The following DOCK1 variants were observed in gnomAD, a reference collection of about 807,000 sequenced individuals.
DOCK1 encodes the protein dedicator of cytokinesis 1, also known as dedicator of cytokinesis protein 1.
DOCK1 carries 138 observed loss-of-function variants against 262.7 expected under a neutral mutation model. That is an observed-to-expected ratio of 0.53 (90% CI 0.46 to 0.61). The LOEUF is 0.61. DOCK1 is among the 20% of genes least tolerant of loss of function. DOCK1 has a pLI of 0.00. For synonymous variants in DOCK1, 866 were observed against 867.4 expected (o/e 1.00, Z 0.03); for missense variants, 1,908 against 2,370.7 (o/e 0.80, Z 4.05).
intron 1 of DOCK1, among the ~76,000 whole-genome samples, chr10:126,930,953 C>T (rs899568879): frequency 1.4e-4 from 21 of 152,168 alleles, no homozygotes; most frequent in African/African-American, 5.1e-4. Context: ...CTCCCTGTCT[C>T]TTCATCAGAT....
intron 29 of DOCK1, among the ~76,000 whole-genome samples, chr10:127,332,056 G>A (rs2063007120): frequency 6.6e-6 from 1 of 152,184 alleles, no homozygotes; most frequent in Non-Finnish European, 1.5e-5. Flanking sequence ...TCTTACCTTT[G>A]GCCCACGACA....
chr10:127,304,043 G>C (rs1322796178), intron 29 of DOCK1, among the ~76,000 whole-genome samples: 1 of 152,190 alleles, frequency 6.6e-6, no homozygotes, highest in South Asian at 2.1e-4. Flanking sequence ...TTAACAATTT[G>C]CTGGGATGAG....
At chr10:126,948,073 T>TTGG (rs2035705095) in intron 1 of DOCK1, among the ~76,000 whole-genome samples, 33 of 127,842 alleles carry the variant, frequency 2.6e-4, no homozygotes, top group African/African-American at 3.4e-4. Context: ...AGTATTACTG[T>TTGG]TGGTGGTGAT....
At chr10:127,250,872 ACTTTTTTACTGTTG>A (rs1344139235) in intron 28 of DOCK1, among the ~76,000 whole-genome samples, 1 of 149,668 alleles carries the variant, frequency 6.7e-6, no homozygotes, top group Non-Finnish European at 1.5e-5. Context: ...AAGTATGTGA[ACTTTTTTACTGTTG>A]TTAATCTGAC....
chr10:127,355,161 C>T (rs10829818), intron 32 of DOCK1, among the ~76,000 whole-genome samples: 24,849 of 152,226 alleles, frequency 0.16, 2,332 homozygotes, highest in Middle Eastern at 0.33. Flanking sequence ...CTGGTGGCAG[C>T]CTAACATGCT....
intron 38 of DOCK1, among the ~76,000 whole-genome samples, chr10:127,389,610 A>G (rs935298558): frequency 2.6e-5 from 4 of 152,002 alleles, no homozygotes; most frequent in Non-Finnish European, 1.5e-5. Context: ...TGTAATCTCC[A>G]ATGTTGGAGG....
chr10:127,219,888 C>T (rs1482679694), intron 27 of DOCK1, among the ~76,000 whole-genome samples: 3 of 152,162 alleles, frequency 2.0e-5, no homozygotes, highest in African/African-American at 7.2e-5. Context: ...TCAGCAGGTG[C>T]AGAATGTCTC....
intron 40 of DOCK1, among the ~76,000 whole-genome samples, chr10:127,408,801 A>G (rs1049357413): frequency 1.3e-5 from 2 of 152,224 alleles, no homozygotes; most frequent in Non-Finnish European, 1.5e-5. Context: ...CACAGATGTT[A>G]GTAGCGCAGT....
At chr10:127,125,453 G>T in intron 25 of DOCK1, 21 bp from the exon 26 acceptor site, 1 of 1,611,054 alleles carries the variant, frequency 6.2e-7, no homozygotes, top group Middle Eastern at 2.1e-4. Flanking sequence ...ACACTGACTG[G>T]CAATGCTGTG....
At chr10:127,000,547 C>T in intron 10 of DOCK1, 2 of 497,000 alleles carry the variant, frequency 4.0e-6, no homozygotes, top group South Asian at 3.0e-5. Context: ...AAGTGGATCC[C>T]ATCTTTCCCT....
At chr10:127,074,948 G>A (rs1184363701) in intron 23 of DOCK1, among the ~76,000 whole-genome samples, 1 of 151,980 alleles carries the variant, frequency 6.6e-6, no homozygotes, top group Non-Finnish European at 1.5e-5. Flanking sequence ...GATCACCTGA[G>A]GTTGGGAGTT....
intron 2 of DOCK1, among the ~76,000 whole-genome samples, chr10:126,971,905 A>G (rs2038134234): frequency 6.6e-6 from 1 of 151,798 alleles, no homozygotes; most frequent in African/African-American, 2.4e-5. Context: ...ATGCCGTCCA[A>G]TGAAGCAATA....
chr10:127,371,168 C>A (rs7914006), intron 33 of DOCK1, among the ~76,000 whole-genome samples: 50,035 of 152,110 alleles, frequency 0.33, 8,568 homozygotes, highest in Admixed American at 0.45. Context: ...CAGTTCATAG[C>A]ACACTAGCGA....
chr10:127,316,674 G>A (rs373490840), intron 29 of DOCK1, among the ~76,000 whole-genome samples: 1 of 152,124 alleles, frequency 6.6e-6, no homozygotes, highest in Admixed American at 6.6e-5. Context: ...TCAAAAGGGC[G>A]CGGTTTACAG....
At chr10:127,091,173 C>T (rs910904215) in intron 23 of DOCK1, among the ~76,000 whole-genome samples, 1 of 152,116 alleles carries the variant, frequency 6.6e-6, no homozygotes, top group Non-Finnish European at 1.5e-5. Flanking sequence ...TTAGTAGAGA[C>T]GGGGTTTCAC....
At chr10:127,386,080 G>T (rs1184935311) in intron 38 of DOCK1, among the ~76,000 whole-genome samples, 2 of 152,156 alleles carry the variant, frequency 1.3e-5, no homozygotes, top group Non-Finnish European at 2.9e-5. Flanking sequence ...CCTTTTTGTG[G>T]CTGTTGACGT....
At chr10:127,145,953 C>T (rs754515718) in intron 27 of DOCK1, 61 of 511,318 alleles carry the variant, frequency 1.2e-4, no homozygotes, top group South Asian at 3.9e-4. Flanking sequence ...TCTTTCAAGA[C>T]GCCTATCTGT....
At chr10:127,160,339 A>C (rs2053489833) in intron 27 of DOCK1, among the ~76,000 whole-genome samples, 1 of 152,136 alleles carries the variant, frequency 6.6e-6, no homozygotes, top group Non-Finnish European at 1.5e-5. Context: ...TTTCCTTCAT[A>C]AGATCTTAAA....
At chr10:127,286,553 C>A (rs1171147262) in intron 29 of DOCK1, among the ~76,000 whole-genome samples, 1 of 152,134 alleles carries the variant, frequency 6.6e-6, no homozygotes, top group African/African-American at 2.4e-5. Context: ...CATCGTTCAC[C>A]TTTACCACTG....
Sources: gnomAD v4.1 joint callset for allele counts (sites outside exome capture counted in the v4.1 genomes callset) on GRCh38, gnomAD v4.1.1 for gene constraint, MANE v1.5 for transcripts, NCBI Gene and HGNC (gene_info 2026-07-23, HGNC 2026-07-21) for gene names.